Variants in CNDP1 observed in about 807,000 individuals in gnomAD.
CNDP1 encodes the protein carnosine dipeptidase 1.
A neutral mutation model predicts 58.1 loss-of-function variants in CNDP1; 44 were observed. The observed-to-expected ratio is 0.76, with a 90% CI of 0.60 to 0.97. CNDP1 has a LOEUF of 0.97. Ranked by LOEUF, CNDP1 falls within the 50% of genes least tolerant of loss-of-function variation. CNDP1 has a pLI of 0.00. For synonymous variants in CNDP1, 254 were observed against 252.6 expected, an observed-to-expected ratio of 1.01 and a Z score of -0.05; for missense variants, 616 against 655.1, an observed-to-expected ratio of 0.94 and a Z score of 0.65.
At chr18:74,583,882 C>T (rs1981849874) in intron 11 of CNDP1, 174 bp downstream of exon 11, 4 of 644,608 alleles carry the variant, frequency 6.2e-6, no homozygotes, top group Non-Finnish European at 1.1e-5. Context: ...TGCCCTAGAT[C>T]AGGTGCCAGG....
At chr18:74,548,445 C>T (rs2144645146) in intron 1 of CNDP1, among the ~76,000 whole-genome samples, 2 of 152,284 alleles carry the variant, frequency 1.3e-5, no homozygotes, top group South Asian at 4.1e-4. Flanking sequence ...GAGGCCTCCC[C>T]AGAAGCTGAG....
At chr18:74,534,746 G>A in intron 1 of CNDP1, 55 bp downstream of exon 1, 1 of 1,607,076 alleles carries the variant, frequency 6.2e-7, no homozygotes, top group East Asian at 2.2e-5. Context: ...AATTCCATTT[G>A]TCCCGGGAGC....
In CNDP1 at chr18:74,556,343, G is replaced by A. The variant is rs148752417; in HGVS notation, c.30G>A (p.Ala10=). MDPKLGRMA[A]SLLAVLLLLL... is the part of the protein sequence containing the mutation. ...CCCATGTCAAACCCTTCCAGGCTGCGTCCCTGCTGGCTGTGCTGCTGCTGC... is the reference window on the plus strand; with the variant it reads ...CCCATGTCAAACCCTTCCAGGCTGCATCCCTGCTGGCTGTGCTGCTGCTGC... Residue 10 remains alanine, a synonymous_variant, in exon 2 of 12, where the codon GCG becomes GCA. Transcript: ENST00000358821. 2.4e-5 allele frequency: 38 copies of A among 1,601,116 alleles called. No individual in the cohort carries two copies. Among genetic ancestry groups the A allele is most frequent in the African/African-American group, 2.8e-5 (2 of 71,870 alleles).
intron 9 of CNDP1, among the ~76,000 whole-genome samples, chr18:74,579,844 G>A (rs1333418436): frequency 1.3e-5 from 2 of 152,210 alleles, no homozygotes; most frequent in South Asian, 4.1e-4. Flanking sequence ...GTGGTTGGAA[G>A]GGGGTGGGCC....
intron 11 of CNDP1, 145 bp downstream of exon 11, chr18:74,583,853 C>A: frequency 1.2e-6 from 1 of 808,970 alleles, no homozygotes; most frequent in Non-Finnish European, 2.0e-6. Context: ...ATTCATTCCT[C>A]ACAGTTCTGG....
At chr18:74,539,116 G>A (rs909329156) in intron 1 of CNDP1, among the ~76,000 whole-genome samples, 2 of 151,452 alleles carry the variant, frequency 1.3e-5, no homozygotes, top group East Asian at 1.9e-4. Context: ...GATTATGGCC[G>A]GAAAATACAT....
chr18:74,563,487 C>T (rs1178708433), intron 5 of CNDP1, among the ~76,000 whole-genome samples: 1 of 152,258 alleles, frequency 6.6e-6, no homozygotes, highest in Non-Finnish European at 1.5e-5. Context: ...CTGAAAATTA[C>T]ATAATCACAA....
At position 74,584,630 on chromosome 18, in the gene CNDP1, A is replaced by ATG; in HGVS notation, c.*69_*70dup. On this transcript the variant is annotated 3_prime_UTR_variant, in exon 12 of 12. Transcript: ENST00000358821. Reference sequence around the variant, plus strand: ...ACCTCCCCCACATCCCTAGACAGGGATGGAATGTAAATATCCAGAGAATTT... The same window carrying ATG: ...ACCTCCCCCACATCCCTAGACAGGGATGTGGAATGTAAATATCCAGAGAATTT... 6 of 1,230,474 alleles carry ATG rather than the reference A, an allele frequency of 4.9e-6. No homozygotes were observed. The highest frequency in any genetic ancestry group is 7.2e-6 in the Non-Finnish European group (6 of 831,450). The allele number at this position is 1,230,474 out of a possible 1,614,324, so 76.2% of individuals were successfully genotyped here.
At chr18:74,560,656 C>T (rs1265139778) in intron 3 of CNDP1, among the ~76,000 whole-genome samples, 200 bp from the exon 4 acceptor site, 1 of 151,862 alleles carries the variant, frequency 6.6e-6, no homozygotes, top group Non-Finnish European at 1.5e-5. Flanking sequence ...TGCGCTCCAG[C>T]CTGGGCGACA....
At chr18:74,561,832 T>C (rs1405974906) in intron 4 of CNDP1, among the ~76,000 whole-genome samples, 1 of 152,190 alleles carries the variant, frequency 6.6e-6, no homozygotes, top group African/African-American at 2.4e-5. Flanking sequence ...AGCTGATGAC[T>C]GTACTATTTG....
intron 1 of CNDP1, among the ~76,000 whole-genome samples, chr18:74,552,019 T>C (rs919348301): frequency 6.6e-6 from 1 of 151,370 alleles, no homozygotes; most frequent in Admixed American, 6.6e-5. Context: ...GCCAGAGGAG[T>C]CTCTCCCACT....
chr18:74,565,943 G>A (rs1357187345), intron 5 of CNDP1, among the ~76,000 whole-genome samples: 1 of 152,226 alleles, frequency 6.6e-6, no homozygotes, highest in Non-Finnish European at 1.5e-5. Context: ...ACTTTTGCCT[G>A]GGCATCCAAG....
intron 1 of CNDP1, among the ~76,000 whole-genome samples, chr18:74,555,741 G>A (rs185918547): frequency 6.6e-6 from 1 of 152,180 alleles, no homozygotes; most frequent in East Asian, 1.9e-4. Context: ...TGGCCAGGCT[G>A]GTCTTCAACT....
rs1049601550 is a variant in CNDP1 at position 74,585,784 on chromosome 18, C to T, written c.*1222C>T. ...CCGAGGTGGGCGGATCACCTGAGGT[C>T]GGGAGTTCGAGATCAGCCTGGCTAA... On this transcript the variant is annotated 3_prime_UTR_variant, in exon 12 of 12. Coordinates refer to ENST00000358821, the MANE Select transcript of CNDP1 (RefSeq NM_032649.6). The T allele has an allele frequency of 2.0e-5, 3 of 150,816 alleles. No homozygotes were observed. The highest frequency in any genetic ancestry group is 3.9e-4 in the East Asian group (2 of 5,180). 9.3% of individuals were successfully genotyped at this position (150,816 alleles called of 1,614,324 possible). A position where few individuals can be genotyped will look rare whatever the true frequency, so the allele number is the denominator to read the frequency against.
intron 1 of CNDP1, among the ~76,000 whole-genome samples, 163 bp from the exon 2 acceptor site, chr18:74,556,175 T>C (rs1316716385): frequency 6.6e-6 from 1 of 152,226 alleles, no homozygotes; most frequent in African/African-American, 2.4e-5. Flanking sequence ...GGGAAGGACG[T>C]AGCAAAAAAT....
chr18:74,581,262 G>GTGTA (rs1370976903), intron 10 of CNDP1, among the ~76,000 whole-genome samples: 1 of 143,364 alleles, frequency 7.0e-6, no homozygotes, highest in Non-Finnish European at 1.6e-5. Flanking sequence ...GTGTGTGTGT[G>GTGTA]TAAGCTTGAC....
In CNDP1 at chr18:74,571,270, G is replaced by A. The variant is rs767889404; in HGVS notation, c.841G>A (p.Gly281Ser). Residue 281 changes from glycine (G) to serine (S), a missense_variant and splice_region_variant, in exon 7 of 12, where the codon GGT (glycine) becomes AGT (serine). Transcript: ENST00000358821. ...AATGGCTGATCTGGTTGCTCTTCTC[G>A]GTAATGCCTTATTTTGTTTCACTTT... Reference protein sequence around the residue: ...EPMADLVALLGSLVDSSGHIL... With the variant: ...EPMADLVALLSSLVDSSGHIL... The A allele has an allele frequency of 3.7e-5, 60 of 1,600,184 alleles. No individual in the cohort carries two copies. The highest frequency in any genetic ancestry group is 5.4e-5 in the African/African-American group (4 of 74,492).
At chr18:74,573,187 C>T (rs980102347) in intron 7 of CNDP1, among the ~76,000 whole-genome samples, 3 of 151,614 alleles carry the variant, frequency 2.0e-5, no homozygotes, top group Admixed American at 1.3e-4. Flanking sequence ...TCTATCCATC[C>T]ATTATCTATC....
intron 5 of CNDP1, 167 bp from the exon 6 acceptor site, chr18:74,567,066 G>A (rs773166049): frequency 5.7e-5 from 35 of 615,688 alleles, no homozygotes; most frequent in African/African-American, 7.4e-5. Context: ...TCACTATCAC[G>A]AGAATAGCAC....
Sources: allele counts gnomAD v4.1 joint callset (sites outside exome capture counted in the v4.1 genomes callset), GRCh38; gene constraint gnomAD v4.1.1; transcripts MANE v1.5; gene names NCBI Gene and HGNC (gene_info 2026-07-23, HGNC 2026-07-21).